The following LRBA variants were observed in gnomAD, a reference collection of about 807,000 sequenced individuals.
LRBA encodes the protein lipopolysaccharide-responsive and beige-like anchor protein.
In LRBA, 176 loss-of-function variants were observed where a neutral mutation model predicts 330.0. The ratio of observed to expected loss-of-function variants is 0.53; its 90% CI spans 0.47 to 0.60. LRBA has a LOEUF of 0.60. LRBA is among the 20% of genes least tolerant of loss of function. The probability of loss-of-function intolerance (pLI) is 0.00; values close to 1 mark genes in which losing one functional copy is unlikely to be tolerated. For synonymous variants in LRBA, 1,230 were observed against 1,193.0 expected, an observed-to-expected ratio of 1.03 and a Z score of -0.64; for missense variants, 3,259 against 3,444.8, an observed-to-expected ratio of 0.95 and a Z score of 1.35.
At chr4:150,669,361 T>C (rs1427116908) in intron 37 of LRBA, among the ~76,000 whole-genome samples, 1 of 152,156 alleles carries the variant, frequency 6.6e-6, no homozygotes, top group Non-Finnish European at 1.5e-5. Context: ...TCAGAGTACA[T>C]TTGATTTTTG....
intron 48 of LRBA, among the ~76,000 whole-genome samples, chr4:150,348,684 C>T (rs1223249559): frequency 6.6e-6 from 1 of 151,938 alleles, no homozygotes; most frequent in Non-Finnish European, 1.5e-5. Flanking sequence ...CAGGAGAAAA[C>T]AAAAATAGCT....
intron 48 of LRBA, among the ~76,000 whole-genome samples, chr4:150,337,001 G>GA (rs1734840138): frequency 6.6e-6 from 1 of 152,094 alleles, no homozygotes; most frequent in Non-Finnish European, 1.5e-5. Flanking sequence ...AGCCTGCCTA[G>GA]AAAAATAAGT....
chr4:150,545,554 T>C (rs1379005148), intron 40 of LRBA, among the ~76,000 whole-genome samples: 1 of 152,140 alleles, frequency 6.6e-6, no homozygotes, highest in Non-Finnish European at 1.5e-5. Context: ...AAAAAATAAT[T>C]CGCAACTTAA....
intron 34 of LRBA, among the ~76,000 whole-genome samples, chr4:150,789,882 ATGTG>A (rs1238615419): frequency 6.6e-6 from 1 of 152,216 alleles, no homozygotes; most frequent in Non-Finnish European, 1.5e-5. Flanking sequence ...TCTAGGGTAC[ATGTG>A]CACAACATCA....
chr4:150,364,948 GTATATCATAAATA>G (rs1196631516), intron 47 of LRBA, among the ~76,000 whole-genome samples: 1 of 151,606 alleles, frequency 6.6e-6, no homozygotes, highest in Admixed American at 6.6e-5. Flanking sequence ...TCATAAAAAT[GTATATCATAAATA>G]TATATCATAA....
intron 37 of LRBA, among the ~76,000 whole-genome samples, chr4:150,608,177 C>T (rs760750572): frequency 1.2e-4 from 18 of 152,314 alleles, no homozygotes; most frequent in African/African-American, 1.9e-4. Context: ...TGCCACTGCA[C>T]TCCAGCCCAG....
At chr4:150,362,937 A>C (rs1466137938) in intron 47 of LRBA, among the ~76,000 whole-genome samples, 2 of 152,060 alleles carry the variant, frequency 1.3e-5, no homozygotes, top group Non-Finnish European at 2.9e-5. Flanking sequence ...GGGCAACATG[A>C]TGAATCCCCA....
At chr4:150,988,952 G>C (rs1018417969) in intron 2 of LRBA, among the ~76,000 whole-genome samples, 2 of 151,818 alleles carry the variant, frequency 1.3e-5, no homozygotes, top group Non-Finnish European at 1.5e-5. Flanking sequence ...GGGGTGGGGG[G>C]GACACGGTAA....
intron 2 of LRBA, among the ~76,000 whole-genome samples, chr4:150,990,045 T>C (rs1741897678): frequency 6.6e-6 from 1 of 152,086 alleles, no homozygotes; most frequent in Admixed American, 6.5e-5. Context: ...AAAATATTCT[T>C]ATAGAAGTAT....
chr4:150,977,118 C>CT (rs1740269185), intron 2 of LRBA, among the ~76,000 whole-genome samples: 2 of 152,324 alleles, frequency 1.3e-5, no homozygotes, highest in East Asian at 3.9e-4. Flanking sequence ...GGCATGTGAC[C>CT]TGGTAAGACC....
At chr4:150,493,470 A>G (rs894177708) in intron 40 of LRBA, among the ~76,000 whole-genome samples, 2 of 152,222 alleles carry the variant, frequency 1.3e-5, no homozygotes, top group Admixed American at 6.5e-5. Flanking sequence ...CCTTCAGTCC[A>G]TATTTGATCC....
intron 37 of LRBA, among the ~76,000 whole-genome samples, chr4:150,636,125 T>C (rs929782653): frequency 1.3e-5 from 2 of 150,656 alleles, no homozygotes; most frequent in African/African-American, 4.8e-5. Flanking sequence ...ATGATGTCCA[T>C]TTTGATCACT....
chr4:150,725,494 C>G (rs1385691383), intron 36 of LRBA, among the ~76,000 whole-genome samples: 1 of 152,112 alleles, frequency 6.6e-6, no homozygotes, highest in Non-Finnish European at 1.5e-5. Context: ...TGAAAATATC[C>G]TTTAAGCATG....
intron 34 of LRBA, among the ~76,000 whole-genome samples, chr4:150,765,760 A>C (rs1735686697): frequency 6.6e-6 from 1 of 152,132 alleles, no homozygotes; most frequent in South Asian, 2.1e-4. Flanking sequence ...AGGCAGGTAA[A>C]GGGTAAACAT....
intron 35 of LRBA, among the ~76,000 whole-genome samples, chr4:150,741,229 A>G (rs1291884981): frequency 6.6e-6 from 1 of 152,158 alleles, no homozygotes; most frequent in African/African-American, 2.4e-5. Context: ...TTAAAAGCCA[A>G]ACTTCAGAGA....
chr4:150,318,066 T>G (rs937954842), intron 50 of LRBA, among the ~76,000 whole-genome samples: 12 of 152,150 alleles, frequency 7.9e-5, no homozygotes, highest in Non-Finnish European at 1.5e-4. Context: ...CCCAGGGAGC[T>G]CGCCTTATTC....
At chr4:150,829,758 A>AT (rs898278151) in intron 29 of LRBA, among the ~76,000 whole-genome samples, 2 of 152,200 alleles carry the variant, frequency 1.3e-5, no homozygotes, top group African/African-American at 4.8e-5. Flanking sequence ...AAATACCACT[A>AT]TATTTCCCCA....
chr4:150,892,387 G>T (rs565351548), intron 17 of LRBA, among the ~76,000 whole-genome samples: 1 of 152,130 alleles, frequency 6.6e-6, no homozygotes, highest in Admixed American at 6.6e-5. Flanking sequence ...CTAAGAGTGG[G>T]TCCCTAATCC....
chr4:150,720,309 A>G (rs1000409211), intron 36 of LRBA, among the ~76,000 whole-genome samples: 1 of 152,140 alleles, frequency 6.6e-6, no homozygotes, highest in African/African-American at 2.4e-5. Flanking sequence ...TCTGATGAAA[A>G]AGTATCTCAA....
Sources: gnomAD v4.1 joint callset for allele counts (sites outside exome capture counted in the v4.1 genomes callset) on GRCh38, gnomAD v4.1.1 for gene constraint, MANE v1.5 for transcripts, NCBI Gene and HGNC (gene_info 2026-07-23, HGNC 2026-07-21) for gene names.